The following SLC25A13 variants were observed in gnomAD, a reference collection of about 807,000 sequenced individuals.
SLC25A13 encodes the protein electrogenic aspartate/glutamate antiporter SLC25A13, mitochondrial.
Under a neutral mutation model 85.5 loss-of-function variants are expected in SLC25A13, and 70 were observed. The ratio of observed to expected loss-of-function variants is 0.82; its 90% CI spans 0.68 to 1.00. The LOEUF (loss-of-function observed/expected upper bound fraction) is 1.00, where lower values mean the gene tolerates loss of function less well. Ranked by LOEUF, SLC25A13 falls within the 50% of genes least tolerant of loss-of-function variation. SLC25A13 has a pLI of 0.00. For missense variants in SLC25A13, 765 were observed against 819.8 expected (o/e 0.93, Z 0.82); for synonymous variants, 259 against 288.7 (o/e 0.90, Z 1.04).
In SLC25A13 at chr7:96,184,278, T is replaced by G; in HGVS notation, c.1176A>C (p.Arg392Ser). 6.2e-7 allele frequency: 1 copy of G among 1,614,150 alleles called. No homozygotes were observed. Among genetic ancestry groups the G allele is most frequent in the Non-Finnish European group, 8.5e-7 (1 of 1,180,010 alleles). Residue 392 changes from arginine to serine, a missense_variant and splice_region_variant, in exon 11 of 18, where the codon AGA (arginine) becomes AGC (serine). Coordinates refer to ENST00000265631, the MANE Select transcript of SLC25A13 (RefSeq NM_014251.3). ...AGGTATTGAGCATGTGGCACTAACC[T>G]CTATACAGTCCAAAGAAGCCTTCAT... is the stretch of plus-strand genomic sequence containing the variant. Reference protein sequence around the residue: ...LRYEGFFGLYRGLLPQLLGVA... With the variant: ...LRYEGFFGLYSGLLPQLLGVA...
At chr7:96,256,912 CA>C (rs1430921752) in intron 3 of SLC25A13, among the ~76,000 whole-genome samples, 7 of 152,208 alleles carry the variant, frequency 4.6e-5, no homozygotes, top group Admixed American at 2.6e-4. Context: ...TCAAGAAATT[CA>C]CTCAAAACCA....
At chr7:96,134,562 T>C (rs1215632954) in intron 14 of SLC25A13, among the ~76,000 whole-genome samples, 1 of 151,298 alleles carries the variant, frequency 6.6e-6, no homozygotes, top group Non-Finnish European at 1.5e-5. Flanking sequence ...ACAGGAAGAG[T>C]AAAGGCACAT....
intron 7 of SLC25A13, among the ~76,000 whole-genome samples, chr7:96,190,179 G>A (rs895743717): frequency 6.6e-6 from 1 of 151,220 alleles, no homozygotes; most frequent in African/African-American, 2.4e-5. Context: ...CCGACTCTTG[G>A]GTTCAAGCGA....
chr7:96,248,278 C>T (rs1797280542), intron 3 of SLC25A13, among the ~76,000 whole-genome samples: 1 of 152,146 alleles, frequency 6.6e-6, no homozygotes, highest in Non-Finnish European at 1.5e-5. Context: ...GGCACTACTA[C>T]CCGAATTTAT....
intron 5 of SLC25A13, among the ~76,000 whole-genome samples, chr7:96,198,035 A>AC (rs752583770): frequency 6.6e-6 from 1 of 152,220 alleles, no homozygotes; most frequent in Non-Finnish European, 1.5e-5. Flanking sequence ...TACGTGTTCA[A>AC]CCATAGGCTG....
intron 1 of SLC25A13, among the ~76,000 whole-genome samples, chr7:96,315,947 G>A (rs76275240): frequency 2.0e-5 from 3 of 150,906 alleles, no homozygotes; most frequent in Non-Finnish European, 3.0e-5. Flanking sequence ...CAAGACCCCC[G>A]TCTCTACAAA....
intron 14 of SLC25A13, among the ~76,000 whole-genome samples, chr7:96,134,793 T>TTATATATATATATATATTTATATATATA (rs1792195027): frequency 9.8e-6 from 1 of 102,250 alleles, no homozygotes; most frequent in Admixed American, 1.0e-4. Context: ...ACAAACAATT[T>TTATATATATATATATATTTATATATATA]TATATATATA....
intron 1 of SLC25A13, among the ~76,000 whole-genome samples, chr7:96,301,745 C>T (rs759313201): frequency 2.0e-5 from 3 of 151,922 alleles, no homozygotes; most frequent in African/African-American, 4.8e-5. Flanking sequence ...CCTCCCACCT[C>T]AGCCTCCTGA....
Position 96,131,754 on chromosome 7 carries a change from C to T in SLC25A13, c.1580G>A (p.Gly527Asp), listed in dbSNP as rs961627223. The T allele has an allele frequency of 6.2e-7, 1 of 1,613,888 alleles. No homozygotes were observed. Among genetic ancestry groups the T allele is most frequent in the African/African-American group, 1.3e-5 (1 of 74,890 alleles). ...TGGGGGACACTCACCAGCTATGGCA[C>T]CAGCTAAGAGCAGGCTTCCTGGGCT... is the stretch of plus-strand genomic sequence containing the variant. ...QVSPGSLLLA[G>D]AIAGMPAASL... Residue 527 changes from glycine (G) to aspartate (D), a missense_variant, in exon 15 of 18, where the codon GGT becomes GAT. Transcript: ENST00000265631.
Position 96,170,142 on chromosome 7 carries a change from T to C in SLC25A13, c.1231-17A>G. The C allele has an allele frequency of 6.2e-7, 1 of 1,606,808 alleles. No homozygotes were observed. The highest frequency in any genetic ancestry group is 8.5e-7 in the Non-Finnish European group (1 of 1,173,390). On this transcript the variant is annotated splice_polypyrimidine_tract_variant and intron_variant, in intron 12 of 17. Transcript: ENST00000265631. ...ATCGTTCACCTTGAAGAAAAATATT[T>C]ATAGAAGCTGATGAAAAATATAAAG...
At chr7:96,321,894 A>C in intron 1 of SLC25A13, 48 bp downstream of exon 1, 1 of 1,520,418 alleles carries the variant, frequency 6.6e-7, no homozygotes, top group Non-Finnish European at 8.8e-7. Context: ...TCGCACCCCC[A>C]GGCTGATCCG....
intron 6 of SLC25A13, among the ~76,000 whole-genome samples, chr7:96,192,696 T>G (rs2116661082): frequency 6.6e-6 from 1 of 152,180 alleles, no homozygotes; most frequent in East Asian, 1.9e-4. Flanking sequence ...TTTTTTTTTT[T>G]TTTTGCCTTA....
chr7:96,286,451 T>C (rs559773362), intron 2 of SLC25A13, among the ~76,000 whole-genome samples: 2 of 152,298 alleles, frequency 1.3e-5, no homozygotes, highest in Admixed American at 1.3e-4. Context: ...TTTGTATGTG[T>C]TGTTTTCTTT....
At chr7:96,168,098 G>GGAAAAAAAAAAAAAAA (rs1793836839) in intron 13 of SLC25A13, among the ~76,000 whole-genome samples, 1 of 19,694 alleles carries the variant, frequency 5.1e-5, no homozygotes. Flanking sequence ...AACTCTGTCT[G>GGAAAAAAAAAAAAAAA]AAAAAAAAAA....
At chr7:96,288,490 C>T (rs1003698328) in intron 2 of SLC25A13, among the ~76,000 whole-genome samples, 15 of 152,200 alleles carry the variant, frequency 9.9e-5, no homozygotes, top group African/African-American at 2.7e-4. Flanking sequence ...ACCCAGGAAG[C>T]GCAAGGGGTC....
intron 2 of SLC25A13, among the ~76,000 whole-genome samples, chr7:96,284,689 C>A (rs1315015579): frequency 6.6e-6 from 1 of 152,138 alleles, no homozygotes. Context: ...TGCGGTCTCC[C>A]CATAAGTTTC....
chr7:96,272,315 C>T (rs200732562), intron 3 of SLC25A13, among the ~76,000 whole-genome samples: 1 of 152,180 alleles, frequency 6.6e-6, no homozygotes, highest in East Asian at 1.9e-4. Context: ...CAGAGAGAGA[C>T]ACAAAATTTA....
chr7:96,208,953 T>C lies in SLC25A13; in HGVS notation c.353A>G (p.Gln118Arg). The change falls in exon 5 of 18, where the codon CAG (glutamine) becomes CGG (arginine). Residue 118 changes from glutamine to arginine, a missense_variant. By Grantham distance (43) the Gln-to-Arg change is conservative (BLOSUM62 1). Transcript: ENST00000265631. ...TFEDVKQVFGQTTIHQHIPFN... is the reference protein window; with the variant it reads ...TFEDVKQVFGRTTIHQHIPFN... ...TGGAATATGTTGATGAATTGTGGTC[T>C]GTCCAAAAACTTGCTTAACATCCTC... is the stretch of plus-strand genomic sequence containing the variant. 2 of 1,614,196 alleles carry C rather than the reference T, an allele frequency of 1.2e-6. No homozygotes were observed. The highest frequency in any genetic ancestry group is 1.7e-6 in the Non-Finnish European group (2 of 1,180,024).
chr7:96,295,248 C>T (rs1026229318), intron 2 of SLC25A13, among the ~76,000 whole-genome samples: 3 of 152,144 alleles, frequency 2.0e-5, no homozygotes, highest in Non-Finnish European at 2.9e-5. Context: ...CCCAGCTACC[C>T]AGGAGCCTGA....
Sources: gnomAD v4.1 joint callset for allele counts (sites outside exome capture counted in the v4.1 genomes callset) on GRCh38, gnomAD v4.1.1 for gene constraint, MANE v1.5 for transcripts, NCBI Gene and HGNC (gene_info 2026-07-23, HGNC 2026-07-21) for gene names.